TBC1D19: variants seen among roughly 807,000 people sequenced by gnomAD.
TBC1D19 encodes the protein TBC1 domain family, member 19.
In TBC1D19, 60 loss-of-function variants were observed where a neutral mutation model predicts 89.0. The observed-to-expected ratio is 0.67, with a 90% CI of 0.55 to 0.84. The LOEUF is 0.84. Ranked by LOEUF, TBC1D19 falls within the 40% of genes least tolerant of loss-of-function variation. The pLI, the probability that TBC1D19 is intolerant of heterozygous loss-of-function variation, is 0.00. For synonymous variants in TBC1D19, 189 were observed against 199.7 expected, an observed-to-expected ratio of 0.95 and a Z score of 0.45; for missense variants, 500 against 610.8, an observed-to-expected ratio of 0.82 and a Z score of 1.91.
intron 12 of TBC1D19, among the ~76,000 whole-genome samples, chr4:26,686,161 A>G (rs1411317907): frequency 6.6e-6 from 1 of 152,204 alleles, no homozygotes; most frequent in Admixed American, 6.5e-5. Flanking sequence ...ACAGCTCCCT[A>G]TAGCAAAAAC....
At chr4:26,710,689 C>T (rs563288757) in intron 13 of TBC1D19, among the ~76,000 whole-genome samples, 1 of 152,292 alleles carries the variant, frequency 6.6e-6, no homozygotes, top group East Asian at 1.9e-4. Context: ...TCTCCAGCAC[C>T]TGTTGTTTCC....
At chr4:26,854,979 G>T in the TBC1D19 span, among the ~76,000 whole-genome samples, 24,155 of 152,154 alleles carry the variant, frequency 0.16, 2,278 homozygotes, top group East Asian at 0.41. Flanking sequence ...GGAGCCAAAA[G>T]TTCCATTTTT....
the TBC1D19 span, among the ~76,000 whole-genome samples, chr4:26,764,909 C>T: frequency 6.6e-6 from 1 of 151,866 alleles, no homozygotes; most frequent in Non-Finnish European, 1.5e-5. Flanking sequence ...GGAGATGATG[C>T]CATTTTTATT....
intron 8 of TBC1D19, among the ~76,000 whole-genome samples, chr4:26,662,054 G>A (rs565469917): frequency 8.5e-5 from 13 of 152,206 alleles, no homozygotes; most frequent in South Asian, 2.1e-4. Flanking sequence ...GTCAAGGATC[G>A]TATGTTTTCA....
chr4:26,768,316 A>G, the TBC1D19 span, among the ~76,000 whole-genome samples: 1 of 152,244 alleles, frequency 6.6e-6, no homozygotes. Flanking sequence ...AGCAAAGCTT[A>G]AAAGCAAGGC....
intron 13 of TBC1D19, among the ~76,000 whole-genome samples, chr4:26,708,492 T>C (rs944008542): frequency 1.3e-5 from 2 of 152,062 alleles, no homozygotes; most frequent in Non-Finnish European, 2.9e-5. Flanking sequence ...GTTTCTTGGA[T>C]GTTTATATTA....
Position 26,584,217 on chromosome 4 carries a change from C to T in TBC1D19, c.24C>T (p.Leu8=), listed in dbSNP as rs368975007. 9.3e-6 allele frequency: 15 copies of T among 1,612,392 alleles called. No individual in the cohort carries two copies. In the African/African-American group the frequency reaches 2.0e-4, roughly 22 times the overall value. Residue 8 remains leucine (L), a synonymous_variant, in exon 1 of 21, where the codon CTC becomes CTT. Coordinates refer to ENST00000264866, the MANE Select transcript of TBC1D19 (RefSeq NM_018317.4). MLQEESD[L]SLIIAQIVQK... ...AAATGTTGCAGGAGGAGTCGGACCT[C>T]TCTCTCATTATTGCCCAGATAGTCC... is the stretch of plus-strand genomic sequence containing the variant.
In TBC1D19 at chr4:26,755,776, C is replaced by G. The variant is rs983558078; in HGVS notation, c.*829C>G. Reference sequence around the variant, plus strand: ...TCACTTTTGCTGAAGCTTGGTTTAACAAGATTTACTTCTAGGGCAGAGCAG... The same window carrying G: ...TCACTTTTGCTGAAGCTTGGTTTAAGAAGATTTACTTCTAGGGCAGAGCAG... On this transcript the variant is annotated 3_prime_UTR_variant, in exon 21 of 21. Coordinates refer to ENST00000264866, the MANE Select transcript of TBC1D19 (RefSeq NM_018317.4). 6.6e-6 allele frequency among the ~76,000 whole-genome samples: 1 copy of G among 152,152 alleles called. No homozygotes were observed. Among genetic ancestry groups the G allele is most frequent in the African/African-American group, 2.4e-5 (1 of 41,434 alleles).
chr4:26,628,390 G>A (rs1182558496), intron 4 of TBC1D19, among the ~76,000 whole-genome samples: 10 of 152,190 alleles, frequency 6.6e-5, no homozygotes, highest in African/African-American at 2.4e-4. Context: ...GTTTCCATGT[G>A]AACTTTAAAG....
chr4:26,819,939 C>A, the TBC1D19 span, among the ~76,000 whole-genome samples: 2 of 152,334 alleles, frequency 1.3e-5, no homozygotes. Context: ...GACTTTCTTA[C>A]TCACCAATTT....
chr4:26,634,072 T>C (rs1742966311), intron 4 of TBC1D19, among the ~76,000 whole-genome samples: 1 of 146,820 alleles, frequency 6.8e-6, no homozygotes, highest in African/African-American at 2.7e-5. Context: ...AAAGAGTATT[T>C]TGCAAAAAAA....
intron 11 of TBC1D19, among the ~76,000 whole-genome samples, chr4:26,681,680 A>G (rs1372848886): frequency 1.3e-5 from 2 of 152,250 alleles, no homozygotes; most frequent in African/African-American, 4.8e-5. Flanking sequence ...CAACCTGAGT[A>G]TCCATCTATA....
intron 7 of TBC1D19, among the ~76,000 whole-genome samples, chr4:26,646,662 G>T (rs1743981567): frequency 6.6e-6 from 1 of 152,188 alleles, no homozygotes; most frequent in African/African-American, 2.4e-5. Context: ...CATGGATGAA[G>T]TGGGAAACCA....
chr4:26,709,158 T>G (rs888934957), intron 13 of TBC1D19, among the ~76,000 whole-genome samples: 6 of 151,990 alleles, frequency 3.9e-5, no homozygotes, highest in African/African-American at 9.7e-5. Context: ...TAGTTTTAGT[T>G]TTTTTGAATG....
In TBC1D19 at chr4:26,608,009, G is replaced by A. The variant is rs543621343; in HGVS notation, c.100-5160G>A. Among the ~76,000 whole-genome samples the A allele has an allele frequency of 2.6e-5, 4 of 152,314 alleles. No homozygotes were observed. The East Asian group carries it at 7.7e-4, about 29-fold the overall frequency. On this transcript the variant is annotated intron_variant, in intron 1 of 20. Coordinates refer to ENST00000264866, the MANE Select transcript of TBC1D19 (RefSeq NM_018317.4). The stretch of plus-strand genomic sequence containing the variant: ...CACAGGCCCCTAGTGATGGTATACT[G>A]CTGAGATGTAAGGCAAGTGAACTTG...
the TBC1D19 span, among the ~76,000 whole-genome samples, chr4:26,766,614 A>G: frequency 6.6e-6 from 1 of 152,184 alleles, no homozygotes; most frequent in South Asian, 2.1e-4. Context: ...TATTAGTAAC[A>G]CCTGGACTGG....
the TBC1D19 span, among the ~76,000 whole-genome samples, chr4:26,819,056 G>A: frequency 1.6e-4 from 25 of 152,326 alleles, no homozygotes; most frequent in Non-Finnish European, 2.5e-4. Context: ...CAGGGAGACC[G>A]ACACTCAACA....
the TBC1D19 span, among the ~76,000 whole-genome samples, chr4:26,828,695 G>A: frequency 2.4e-4 from 37 of 152,304 alleles, no homozygotes; most frequent in South Asian, 1.4e-3. Flanking sequence ...TGACCACTCC[G>A]TGCATCAGTT....
intron 13 of TBC1D19, among the ~76,000 whole-genome samples, chr4:26,708,051 T>G (rs1266351734): frequency 1.3e-5 from 2 of 152,100 alleles, no homozygotes; most frequent in African/African-American, 2.4e-5. Context: ...ACAATAGTAT[T>G]ATTTTTATAA....
Sources: gnomAD v4.1 joint callset for allele counts (sites outside exome capture counted in the v4.1 genomes callset) on GRCh38, gnomAD v4.1.1 for gene constraint, MANE v1.5 for transcripts, NCBI Gene and HGNC (gene_info 2026-07-23, HGNC 2026-07-21) for gene names.